Variants in TUBB6 observed in about 807,000 individuals in gnomAD.
TUBB6 encodes tubulin beta 6 class V.
Under a neutral mutation model 32.3 loss-of-function variants are expected in TUBB6, and 18 were observed. The ratio of observed to expected loss-of-function variants is 0.56; its 90% confidence interval spans 0.39 to 0.83. TUBB6 has a LOEUF of 0.83. Ranked by LOEUF, TUBB6 falls within the 40% of genes least tolerant of loss-of-function variation. The pLI, the probability that TUBB6 is intolerant of heterozygous loss-of-function variation, is 0.00. For missense variants in TUBB6, 480 were observed against 632.0 expected (o/e 0.76, Z 2.58); for synonymous variants, 280 against 265.8 (o/e 1.05, Z -0.52).
At chr18:12,326,678 A>C (rs1395147558), downstream of TUBB6, 1 of 155,780 alleles carries the variant, frequency 6.4e-6, no homozygotes, top group East Asian at 1.9e-4. Context: ...TCAGTTCACG[A>C]AAACAACAGA....
At chr18:12,319,832 G>A (rs1028647942) in intron 3 of TUBB6, among the ~76,000 whole-genome samples, 4 of 151,982 alleles carry the variant, frequency 2.6e-5, no homozygotes, top group African/African-American at 9.7e-5. Context: ...TGTCGCCCAG[G>A]GTGGAGTGCA....
chr18:12,325,563 G>A lies in TUBB6; in HGVS notation c.774G>A (p.Val258=). The change falls in exon 4 of 4, where the codon GTG becomes GTA. Residue 258 remains valine (V), a synonymous_variant. Coordinates refer to ENST00000317702, the MANE Select transcript of TUBB6 (RefSeq NM_032525.3). The part of the protein sequence containing the change: ...ADLRKLAVNM[V]PFPRLHFFMP... ...TGCGCAAGCTGGCGGTGAACATGGT[G>A]CCCTTCCCGCGCCTGCACTTCTTCA... 6.2e-7 allele frequency: 1 copy of A among 1,614,126 alleles called. No individual in the cohort carries two copies.
chr18:12,308,188 G>A (rs548692592), upstream of TUBB6: 25 of 758,606 alleles, frequency 3.3e-5, no homozygotes, highest in African/African-American at 4.6e-4. Context: ...CGAGCGGCGG[G>A]GCGGGGGCGG....
upstream of TUBB6, chr18:12,308,168 C>T: frequency 1.9e-6 from 1 of 525,216 alleles, no homozygotes; most frequent in Non-Finnish European, 2.5e-6. Context: ...GCGGGGCCCG[C>T]AGCCATTGGC....
chr18:12,311,945 C>T (rs538378642), intron 3 of TUBB6, among the ~76,000 whole-genome samples: 1 of 152,268 alleles, frequency 6.6e-6, no homozygotes, highest in South Asian at 2.1e-4. Flanking sequence ...AAATTCCTCA[C>T]TCAATCAAAC....
At chr18:12,324,650 C>T (rs1907173844) in intron 3 of TUBB6, among the ~76,000 whole-genome samples, 1 of 152,032 alleles carries the variant, frequency 6.6e-6, no homozygotes, top group Non-Finnish European at 1.5e-5. Flanking sequence ...GGGGTTTCCT[C>T]ATGTTGCCCA....
rs76502389 is a variant in TUBB6 at position 12,326,494 on chromosome 18, G to A, written c.*364G>A. ...TTGTGATGAAGCCTGAAATTGTGCC[G>A]TGTTGCCTTATATGAATATGCAGTA... is the stretch of plus-strand genomic sequence containing the variant. On this transcript the variant is annotated 3_prime_UTR_variant, in exon 4 of 4. Transcript: ENST00000317702. 1,924 of 257,378 alleles carry A rather than the reference G, an allele frequency of 7.5e-3. 36 individuals carry two copies. Among genetic ancestry groups the A allele is most frequent in the African/African-American group, 0.038 (1,752 of 45,582 alleles). 15.9% of individuals were successfully genotyped at this position (257,378 alleles called of 1,614,324 possible).
downstream of TUBB6, chr18:12,328,948 T>C (rs1369685832): frequency 1.9e-6 from 1 of 534,832 alleles, no homozygotes. Context: ...CCTATGTGTG[T>C]TCAGAAAAGT....
chr18:12,308,887 A>T (rs1369422180), intron 2 of TUBB6, 92 bp downstream of exon 2: 8 of 853,776 alleles, frequency 9.4e-6, no homozygotes, highest in Middle Eastern at 2.2e-4. Context: ...CTTCGGGAAA[A>T]GTTCTCTCGG....
Position 12,325,806 on chromosome 18 carries a change from C to G in TUBB6, c.1017C>G (p.Ser339Arg), listed in dbSNP as rs1907280203. ...QMLAIQSKNS[S>R]YFVEWIPNNV... The stretch of plus-strand genomic sequence containing the variant: ...TGGCCATCCAGAGTAAGAACAGCAG[C>G]TACTTCGTGGAGTGGATTCCCAACA... Residue 339 changes from serine (S) to arginine (R), a missense_variant, in exon 4 of 4, where the codon AGC (serine) becomes AGG (arginine). By Grantham distance (110) the Ser-to-Arg change is moderately radical. Transcript: ENST00000317702. 3.7e-6 allele frequency: 6 copies of G among 1,614,126 alleles called. No homozygotes were observed. The highest frequency in any genetic ancestry group is 4.2e-6 in the Non-Finnish European group (5 of 1,180,050).
intron 3 of TUBB6, among the ~76,000 whole-genome samples, chr18:12,319,943 T>C (rs971632852): frequency 6.6e-6 from 1 of 151,592 alleles, no homozygotes; most frequent in Non-Finnish European, 1.5e-5. Context: ...CCCGCCACCA[T>C]GCCATGCTAA....
intron 3 of TUBB6, among the ~76,000 whole-genome samples, chr18:12,311,654 T>G (rs965239832): frequency 6.6e-6 from 1 of 152,134 alleles, no homozygotes; most frequent in Non-Finnish European, 1.5e-5. Flanking sequence ...CATTAGCTTC[T>G]TTTTCCCCAT....
chr18:12,314,218 A>G (rs1455751510), intron 3 of TUBB6, among the ~76,000 whole-genome samples: 1 of 151,960 alleles, frequency 6.6e-6, no homozygotes, highest in African/African-American at 2.4e-5. Context: ...TCTTCATTTT[A>G]CTATCTGAAA....
At chr18:12,329,281 G>C (rs760930166), downstream of TUBB6, 8 of 699,328 alleles carry the variant, frequency 1.1e-5, no homozygotes, top group Non-Finnish European at 2.1e-5. Context: ...TGGTGCCACA[G>C]GGTCCAGCCT....
intron 3 of TUBB6, among the ~76,000 whole-genome samples, chr18:12,318,320 G>A (rs1041177184): frequency 1.3e-4 from 19 of 150,870 alleles, no homozygotes; most frequent in African/African-American, 2.7e-4. Flanking sequence ...CCATTTTCTC[G>A]CCTACTAAGA....
chr18:12,322,625 ACAAT>A (rs764668462), intron 3 of TUBB6, among the ~76,000 whole-genome samples: 5 of 152,224 alleles, frequency 3.3e-5, no homozygotes, highest in African/African-American at 7.2e-5. Flanking sequence ...AACTCTGAAG[ACAAT>A]CAAAGAACTG....
In TUBB6 at chr18:12,325,830, C is replaced by T; in HGVS notation, c.1041C>T (p.Asn347=). Residue 347 remains asparagine (N), a synonymous_variant, in exon 4 of 4, where the codon AAC becomes AAT. Coordinates refer to ENST00000317702, the MANE Select transcript of TUBB6 (RefSeq NM_032525.3). Reference sequence around the variant, plus strand: ...GCTACTTCGTGGAGTGGATTCCCAACAACGTGAAGGTGGCCGTGTGCGACA... The same window carrying T: ...GCTACTTCGTGGAGTGGATTCCCAATAACGTGAAGGTGGCCGTGTGCGACA... ...NSSYFVEWIP[N]NVKVAVCDIP... is the part of the protein sequence containing the mutation. 2 of 1,614,238 alleles carry T rather than the reference C, an allele frequency of 1.2e-6. No homozygotes were observed. The highest frequency in any genetic ancestry group is 1.7e-6 in the Non-Finnish European group (2 of 1,180,046).
At chr18:12,326,933 C>T (rs553310114), downstream of TUBB6, among the ~76,000 whole-genome samples, 3 of 152,330 alleles carry the variant, frequency 2.0e-5, no homozygotes, top group East Asian at 5.8e-4. Context: ...GGGGTGCCAA[C>T]AGCCAGCCCT....
At chr18:12,310,443 A>T (rs555810683) in intron 2 of TUBB6, among the ~76,000 whole-genome samples, 1 of 149,338 alleles carries the variant, frequency 6.7e-6, no homozygotes, top group East Asian at 2.0e-4. Flanking sequence ...GTGAGCCGAG[A>T]TCACACCACT....
Sources: allele counts gnomAD v4.1 joint callset (sites outside exome capture counted in the v4.1 genomes callset), GRCh38; gene constraint gnomAD v4.1.1; transcripts MANE v1.5; gene names NCBI Gene and HGNC (gene_info 2026-07-23, HGNC 2026-07-21).